The following NKTR variants were observed in gnomAD, a reference collection of about 807,000 sequenced individuals.
The protein encoded by NKTR is NK-tumor recognition protein.
NKTR carries 67 observed loss-of-function variants against 156.3 expected under a neutral mutation model. That is an observed-to-expected ratio of 0.43 (90% CI 0.35 to 0.53). NKTR has a LOEUF of 0.53. Among genes scored for constraint, NKTR ranks in the 20% least tolerant of loss-of-function variants. The pLI is 0.01. For synonymous variants in NKTR, 640 were observed against 596.6 expected (o/e 1.07, Z -1.06); for missense variants, 1,604 against 1,730.9 (o/e 0.93, Z 1.30).
intron 4 of NKTR, 101 bp from the exon 5 acceptor site, chr3:42,619,563 A>G: frequency 2.5e-6 from 4 of 1,577,480 alleles, no homozygotes; most frequent in Non-Finnish European, 3.4e-6. Context: ...CAGTTATAAC[A>G]TTCCAAGGTT....
intron 13 of NKTR, among the ~76,000 whole-genome samples, chr3:42,640,187 C>T (rs530732938): frequency 1.1e-4 from 16 of 152,196 alleles, no homozygotes; most frequent in Non-Finnish European, 1.9e-4. Flanking sequence ...AGACATGCAT[C>T]TTAGTTTAGA....
chr3:42,617,138 A>G (rs1707448610), intron 2 of NKTR, among the ~76,000 whole-genome samples: 1 of 152,188 alleles, frequency 6.6e-6, no homozygotes, highest in South Asian at 2.1e-4. Flanking sequence ...GAAAGCTGAA[A>G]ATAAAGAGAC....
At chr3:42,610,678 G>A (rs1340164865) in intron 2 of NKTR, among the ~76,000 whole-genome samples, 2 of 151,634 alleles carry the variant, frequency 1.3e-5, no homozygotes. Context: ...ATGTTGAATA[G>A]TGTCTCTTTT....
chr3:42,603,429 C>T (rs990223382), intron 2 of NKTR, among the ~76,000 whole-genome samples: 12 of 148,640 alleles, frequency 8.1e-5, no homozygotes, highest in Admixed American at 7.4e-4. Flanking sequence ...TAGTTAAGTA[C>T]TCCTTTCCTA....
At chr3:42,606,567 T>C (rs1706256423) in intron 2 of NKTR, among the ~76,000 whole-genome samples, 1 of 152,240 alleles carries the variant, frequency 6.6e-6, no homozygotes, top group Non-Finnish European at 1.5e-5. Flanking sequence ...ATTCTTGCTT[T>C]CACTCCCTAT....
chr3:42,637,496 C>T lies in NKTR; in HGVS notation c.1792C>T (p.Gln598Ter). The T allele has an allele frequency of 6.2e-7, 1 of 1,614,012 alleles. No individual in the cohort carries two copies. The highest frequency in any genetic ancestry group is 8.5e-7 in the Non-Finnish European group (1 of 1,179,982). ...GGCACAAAATGAAAATGTAGTAGTA[C>T]AACCAGTTGTAGCAGAAAATATTCC... ...TMAQNENVVV[Q>*]PVVAENIPVI... Residue 598 changes from glutamine (Q) to a stop codon, truncating the protein, a stop_gained, in exon 13 of 17, where the codon CAA (glutamine) becomes TAA (stop). Transcript: ENST00000232978. LOFTEE classifies it high-confidence loss of function.
intron 11 of NKTR, 84 bp downstream of exon 11, chr3:42,634,784 A>T (rs1401587677): frequency 4.4e-6 from 3 of 689,616 alleles, no homozygotes; most frequent in Non-Finnish European, 7.3e-6. Context: ...TTAATTTTAG[A>T]TATAATACAA....
chr3:42,606,445 AG>A (rs1336365076), intron 2 of NKTR, among the ~76,000 whole-genome samples: 1 of 152,078 alleles, frequency 6.6e-6, no homozygotes, highest in Non-Finnish European at 1.5e-5. Flanking sequence ...AGTCAAGTTA[AG>A]GGGCTTTCAT....
intron 4 of NKTR, 52 bp from the exon 5 acceptor site, chr3:42,619,612 G>A: frequency 1.2e-6 from 2 of 1,601,562 alleles, no homozygotes; most frequent in Admixed American, 1.7e-5. Context: ...TGATTTCTGT[G>A]TTAGTATATT....
At chr3:42,621,956 G>T (rs970751580) in intron 6 of NKTR, among the ~76,000 whole-genome samples, 15 of 151,918 alleles carry the variant, frequency 9.9e-5, no homozygotes, top group African/African-American at 3.4e-4. Flanking sequence ...TCTTACTGTT[G>T]CTCTTTGAGG....
Position 42,638,326 on chromosome 3 carries a change from GC to G in NKTR, c.2625del (p.Arg877GlyfsTer117). ...LSDHLRNGSKPKRKNYAGSKW... is the reference protein window; with the variant it reads ...LSDHLRNGSKXKRKNYAGSKW... ...CTGATCACCTTAGAAATGGCAGTAA[GC>G]CCAAAAGGAAGAATTATGCTGGTAG... On this transcript the variant is annotated frameshift_variant, in exon 13 of 17. Coordinates refer to ENST00000232978, the MANE Select transcript of NKTR (RefSeq NM_005385.4). LOFTEE classifies it high-confidence loss of function. 6.2e-7 allele frequency: 1 copy of G among 1,611,090 alleles called. No homozygotes were observed. The highest frequency in any genetic ancestry group is 1.3e-5 in the African/African-American group (1 of 74,694).
intron 15 of NKTR, 53 bp from the exon 16 acceptor site, chr3:42,643,849 C>A: frequency 1.6e-6 from 2 of 1,252,330 alleles, no homozygotes; most frequent in Non-Finnish European, 2.3e-6. Flanking sequence ...GAAATAGGAA[C>A]ATATGAGTAT....
At chr3:42,604,206 G>A (rs901509443) in intron 2 of NKTR, among the ~76,000 whole-genome samples, 3 of 152,116 alleles carry the variant, frequency 2.0e-5, no homozygotes, top group Admixed American at 6.6e-5. Context: ...TCAGTCTGAC[G>A]AGAGGTTTAT....
At chr3:42,621,323 C>T (rs1707884127) in intron 5 of NKTR, 106 bp from the exon 6 acceptor site, 35 of 1,445,522 alleles carry the variant, frequency 2.4e-5, no homozygotes, top group Non-Finnish European at 3.1e-5. Context: ...GTTATCTGTA[C>T]TGACCAGAAG....
chr3:42,611,004 ATTAAT>A (rs1194656111), intron 2 of NKTR: 1 of 152,032 alleles, frequency 6.6e-6, no homozygotes, highest in Non-Finnish European at 1.5e-5. Flanking sequence ...TTCCTAAGTG[ATTAAT>A]TTATCTTTAG....
Position 42,637,870 on chromosome 3 carries a change from A to G in NKTR, c.2166A>G (p.Pro722=), listed in dbSNP as rs1481677937. 1 of 1,613,896 alleles carries G rather than the reference A, an allele frequency of 6.2e-7. No homozygotes were observed. Among genetic ancestry groups the G allele is most frequent in the South Asian group, 1.1e-5 (1 of 91,080 alleles). The change falls in exon 13 of 17, where the codon CCA becomes CCG. Residue 722 remains proline, a synonymous_variant. Coordinates refer to ENST00000232978, the MANE Select transcript of NKTR (RefSeq NM_005385.4). ...GTTCACATTCAAGGTCTAGGTCTCC[A>G]TCATCTAGATCTCATTCACGAAATA... The part of the protein sequence containing the change: ...LASSHSRSRS[P]SSRSHSRNKY...
chr3:42,609,212 G>A (rs575506896), intron 2 of NKTR, among the ~76,000 whole-genome samples: 1 of 150,834 alleles, frequency 6.6e-6, no homozygotes, highest in Non-Finnish European at 1.5e-5. Flanking sequence ...AGTTTTAGGA[G>A]CACTGTGCTA....
intron 2 of NKTR, among the ~76,000 whole-genome samples, chr3:42,603,295 G>A (rs1705769314): frequency 6.7e-6 from 1 of 149,860 alleles, no homozygotes; most frequent in South Asian, 2.1e-4. Context: ...AGGAGTTTAA[G>A]GCTGCCATGA....
In NKTR at chr3:42,631,262, G is replaced by A; in HGVS notation, c.496G>A (p.Ala166Thr). Residue 166 changes from alanine (A) to threonine (T), a missense_variant, in exon 8 of 17, where the codon GCA (alanine) becomes ACA (threonine). Around this residue, in one of 6 missense-constraint regions of NKTR, gnomAD observed 61 missense variants for 113.3 expected, o/e 0.54. Coordinates refer to ENST00000232978, the MANE Select transcript of NKTR (RefSeq NM_005385.4). ...GACCGATGCTGCAAGCAGACCATAT[G>A]CAGATGTGCGAGTTATTGACTGTGG... The part of the protein sequence containing the change: ...LKTDAASRPY[A>T]DVRVIDCGVL... 1 of 1,614,024 alleles carries A rather than the reference G, an allele frequency of 6.2e-7. No individual in the cohort carries two copies. Among genetic ancestry groups the A allele is most frequent in the Non-Finnish European group, 8.5e-7 (1 of 1,179,968 alleles).
Sources: gnomAD v4.1 joint callset for allele counts (sites outside exome capture counted in the v4.1 genomes callset) on GRCh38, gnomAD v4.1.1 for gene constraint, gnomAD v4.1.1 regional missense constraint, MANE v1.5 for transcripts, NCBI Gene and HGNC (gene_info 2026-07-23, HGNC 2026-07-21) for gene names.